Variants in GPRC5C observed in about 807,000 individuals in gnomAD.
GPRC5C encodes G protein-coupled receptor class C group 5 member C, also known as G protein-coupled receptor family C group 5 member C.
A neutral mutation model predicts 31.4 loss-of-function variants in GPRC5C; 22 were observed. The observed-to-expected ratio is 0.70, with a 90% confidence interval of 0.50 to 1.00. The LOEUF is 1.00. Among genes scored for constraint, GPRC5C ranks in the 50% least tolerant of loss-of-function variants. The pLI, the probability that GPRC5C is intolerant of heterozygous loss-of-function variation, is 0.00. For synonymous variants in GPRC5C, 249 were observed against 257.5 expected, an observed-to-expected ratio of 0.97 and a Z score of 0.32; for missense variants, 557 against 597.2, an observed-to-expected ratio of 0.93 and a Z score of 0.70.
At chr17:74,443,407 G>C in intron 2 of GPRC5C, 1 of 356,802 alleles carries the variant, frequency 2.8e-6, no homozygotes, top group South Asian at 2.2e-5. Flanking sequence ...GTGCCTGGCA[G>C]CTGGCCCGTG....
intron 3 of GPRC5C, 59 bp from the exon 4 acceptor site, chr17:74,446,790 G>A (rs963798190): frequency 8.8e-6 from 12 of 1,359,096 alleles, no homozygotes; most frequent in South Asian, 3.6e-5. Context: ...TTGTGCATCC[G>A]CCCCGGCGGA....
chr17:74,449,390 C>T (rs1258220061), downstream of GPRC5C: 24 of 1,273,454 alleles, frequency 1.9e-5, no homozygotes, highest in East Asian at 5.6e-5. Flanking sequence ...CGGGACTGCA[C>T]GGCATCCTGA....
intron 2 of GPRC5C, 33 bp from the exon 3 acceptor site, chr17:74,443,785 G>C: frequency 6.9e-7 from 1 of 1,458,524 alleles, no homozygotes; most frequent in Non-Finnish European, 9.6e-7. Flanking sequence ...GAGAGCCCTG[G>C]GATCTTCAAA....
In GPRC5C at chr17:74,440,721, C is replaced by A. The variant is rs752020750; in HGVS notation, c.945C>A (p.Asp315Glu). The A allele has an allele frequency of 2.5e-6, 4 of 1,600,822 alleles. No individual in the cohort carries two copies. In the South Asian group the frequency reaches 4.4e-5, roughly 18 times the overall value. The stretch of plus-strand genomic sequence containing the variant: ...GCCCAGAGCAAAGCTACCAGGGGGA[C>A]ATGTACCCCACCCGGGGCGTGGGCT... ...KSSPEQSYQGDMYPTRGVGYE... is the reference protein window; with the variant it reads ...KSSPEQSYQGEMYPTRGVGYE... Residue 315 changes from aspartate to glutamate, a missense_variant, in exon 2 of 4, where the codon GAC (aspartate) becomes GAA (glutamate). By Grantham distance (45) the Asp-to-Glu change is conservative. Transcript: ENST00000392627. This position sits in a 1 kb window ranked among gnomAD's most constrained non-coding sequence, Gnocchi z 4.4.
Position 74,439,917 on chromosome 17 carries a change from G to A in GPRC5C, c.141G>A (p.Gly47=), listed in dbSNP as rs1298255482. 7 of 1,612,544 alleles carry A rather than the reference G, an allele frequency of 4.3e-6. No homozygotes were observed. The highest frequency in any genetic ancestry group is 5.9e-6 in the Non-Finnish European group (7 of 1,180,022). The part of the protein sequence containing the change: ...PLYYNLCDRS[G]AWGIVLEAVA... Reference sequence around the variant, plus strand: ...ACTACAACCTGTGTGACCGCTCTGGGGCGTGGGGCATCGTCCTGGAGGCCG... The same window carrying A: ...ACTACAACCTGTGTGACCGCTCTGGAGCGTGGGGCATCGTCCTGGAGGCCG... Residue 47 remains glycine (G), a synonymous_variant, in exon 2 of 4, where the codon GGG becomes GGA. Coordinates refer to ENST00000392627, the MANE Select transcript of GPRC5C (RefSeq NM_022036.4).
rs367868727 is a variant in GPRC5C at position 74,446,864 on chromosome 17, G to C, written c.1162G>C (p.Asp388His). The C allele has an allele frequency of 3.1e-6, 5 of 1,612,908 alleles. No individual in the cohort carries two copies. The highest frequency in any genetic ancestry group is 1.1e-5 in the South Asian group (1 of 91,036). ...TTCCTTCCAGTCCGAAGGAGCTTAC[G>C]ACATCATCCTCCCACGGGCCACCGC... Reference protein sequence around the residue: ...MHKVPSEGAYDIILPRATANS... With the variant: ...MHKVPSEGAYHIILPRATANS... The change falls in exon 4 of 4, where the codon GAC (aspartate) becomes CAC (histidine). Residue 388 changes from aspartate (D) to histidine (H), a missense_variant. By Grantham distance (81) the Asp-to-His change is moderately conservative. Coordinates refer to ENST00000392627, the MANE Select transcript of GPRC5C (RefSeq NM_022036.4).
chr17:74,440,026 C>T lies in GPRC5C; in HGVS notation c.250C>T (p.Arg84Trp), dbSNP rs375592332. 38 of 1,610,762 alleles carry T rather than the reference C, an allele frequency of 2.4e-5. No individual in the cohort carries two copies. The highest frequency in any genetic ancestry group is 3.3e-5 in the South Asian group (3 of 91,088). The change falls in exon 2 of 4, where the codon CGG (arginine) becomes TGG (tryptophan). Residue 84 changes from arginine to tryptophan, a missense_variant. Arg to Trp is a moderately radical substitution (Grantham distance 101). Coordinates refer to ENST00000392627, the MANE Select transcript of GPRC5C (RefSeq NM_022036.4). The surrounding 1 kb of genome is among the most constrained non-coding windows in gnomAD (Gnocchi z 4.4). ...SLPFVQDTKK[R>W]SLLGTQVFFL... ...CCCCTTTGTGCAGGACACCAAGAAA[C>T]GGAGCCTGCTGGGGACCCAGGTATT...
intron 1 of GPRC5C, among the ~76,000 whole-genome samples, chr17:74,435,051 C>G (rs1277458576): frequency 1.3e-5 from 2 of 151,474 alleles, no homozygotes; most frequent in African/African-American, 4.8e-5. Context: ...AACCCCGTCT[C>G]TACTAAAAAT....
intron 2 of GPRC5C, among the ~76,000 whole-genome samples, chr17:74,441,447 T>A (rs962655029): frequency 6.6e-6 from 1 of 152,210 alleles, no homozygotes; most frequent in Non-Finnish European, 1.5e-5. Flanking sequence ...TTGACTGATA[T>A]AATATCTATG....
chr17:74,438,756 A>G (rs2055481252), intron 1 of GPRC5C, among the ~76,000 whole-genome samples: 1 of 152,198 alleles, frequency 6.6e-6, no homozygotes, highest in African/African-American at 2.4e-5. Flanking sequence ...TTTGATTGGA[A>G]AAAAACTCAT....
intron 1 of GPRC5C, 89 bp from the exon 2 acceptor site, chr17:74,439,656 G>C: frequency 8.0e-7 from 1 of 1,255,230 alleles, no homozygotes; most frequent in African/African-American, 1.5e-5. Flanking sequence ...AGCACTATCT[G>C]CCTGGGTTTA....
intron 1 of GPRC5C, among the ~76,000 whole-genome samples, chr17:74,436,523 G>A (rs1219828450): frequency 1.3e-5 from 2 of 152,060 alleles, no homozygotes; most frequent in African/African-American, 2.4e-5. Context: ...ATTCTTCCTT[G>A]TGTAATTTTT....
At chr17:74,439,133 G>A (rs1429911734) in intron 1 of GPRC5C, among the ~76,000 whole-genome samples, 3 of 152,070 alleles carry the variant, frequency 2.0e-5, no homozygotes, top group East Asian at 1.9e-4. Flanking sequence ...TTCCGCTTCC[G>A]AGCTAGGCAA....
intron 1 of GPRC5C, among the ~76,000 whole-genome samples, chr17:74,433,098 G>C (rs2055379522): frequency 6.6e-6 from 1 of 151,970 alleles, no homozygotes; most frequent in South Asian, 2.1e-4. Context: ...AGCGTCCTTT[G>C]CACCTCCATC....
intron 1 of GPRC5C, among the ~76,000 whole-genome samples, chr17:74,439,161 A>G (rs2055487371): frequency 1.3e-5 from 2 of 152,212 alleles, no homozygotes; most frequent in Admixed American, 6.5e-5. Flanking sequence ...AGGATTCTGA[A>G]CTGGAGACTT....
chr17:74,436,917 C>T (rs926376394), intron 1 of GPRC5C, among the ~76,000 whole-genome samples: 1 of 152,108 alleles, frequency 6.6e-6, no homozygotes, highest in Admixed American at 6.5e-5. Flanking sequence ...TACGCCTTCC[C>T]TTTTTTGTTG....
chr17:74,446,793 C>G (rs973508453), intron 3 of GPRC5C, 56 bp from the exon 4 acceptor site: 1 of 1,391,740 alleles, frequency 7.2e-7, no homozygotes, highest in Non-Finnish European at 1.0e-6. Flanking sequence ...TGCATCCGCC[C>G]CGGCGGAACC....
downstream of GPRC5C, chr17:74,449,039 C>T (rs1290954604): frequency 2.1e-6 from 1 of 473,188 alleles, no homozygotes; most frequent in African/African-American, 2.0e-5. Flanking sequence ...GCCTGCTCCT[C>T]CCAGGCTTGG....
rs1207482461 is a variant in GPRC5C, at chr17:74,440,066, C to T, written c.290C>T (p.Thr97Ile). 1 of 1,613,254 alleles carries T rather than the reference C, an allele frequency of 6.2e-7. No individual in the cohort carries two copies. Among genetic ancestry groups the T allele is most frequent in the Non-Finnish European group, 8.5e-7 (1 of 1,180,020 alleles). ...LGTQVFFLLG[T>I]LGLFCLVFAC... ...ACCCAGGTATTCTTCCTTCTGGGGACCCTGGGCCTCTTCTGCCTCGTGTTT... is the reference window on the plus strand; with the variant it reads ...ACCCAGGTATTCTTCCTTCTGGGGATCCTGGGCCTCTTCTGCCTCGTGTTT... The change falls in exon 2 of 4, where the codon ACC becomes ATC. Residue 97 changes from threonine (T) to isoleucine (I), a missense_variant. Coordinates refer to ENST00000392627, the MANE Select transcript of GPRC5C (RefSeq NM_022036.4). This position sits in a 1 kb window ranked among gnomAD's most constrained non-coding sequence, Gnocchi z 4.4.
Sources: allele counts gnomAD v4.1 joint callset (sites outside exome capture counted in the v4.1 genomes callset), GRCh38; gene constraint gnomAD v4.1.1; non-coding constraint Gnocchi (gnomAD v3.1); transcripts MANE v1.5; gene names NCBI Gene and HGNC (gene_info 2026-07-23, HGNC 2026-07-21).